The following MTMR8 variants were observed in gnomAD, a reference collection of about 807,000 sequenced individuals.
The protein encoded by MTMR8 is myotubularin related protein 8, also known as phosphatidylinositol-3,5-bisphosphate 3-phosphatase MTMR8.
Under a neutral mutation model 39.3 loss-of-function variants are expected in MTMR8, and 65 were observed. The ratio of observed to expected loss-of-function variants is 1.65; its 90% CI spans 1.35 to 2.03. MTMR8 has a LOEUF of 2.03. MTMR8 is among the 30% of genes most tolerant of loss of function. MTMR8 has a pLI of 0.00. For missense variants in MTMR8, 777 were observed against 538.9 expected (o/e 1.44, Z -4.37); for synonymous variants, 245 against 185.2 (o/e 1.32, Z -2.62).
At chrX:64,296,020 C>T (rs1921567648) in intron 12 of MTMR8, among the ~76,000 whole-genome samples, 1 of 112,054 alleles carries the variant, frequency 8.9e-6, no homozygotes, top group African/African-American at 3.2e-5. Context: ...TATTCATAGA[C>T]AAATTATTAG....
At chrX:64,372,477 C>A (rs1401810530) in intron 1 of MTMR8, among the ~76,000 whole-genome samples, 1 of 111,497 alleles carries the variant, frequency 9.0e-6, no homozygotes, top group Non-Finnish European at 1.9e-5. Context: ...TCTTTAGAGT[C>A]ACACCCATCC....
At chrX:64,301,918 C>T (rs945968083) in intron 12 of MTMR8, among the ~76,000 whole-genome samples, 3 of 111,952 alleles carry the variant, frequency 2.7e-5, no homozygotes, top group African/African-American at 9.8e-5. Flanking sequence ...AGGTAGTCTG[C>T]CGGTTCTCAG....
Position 64,268,406 on chromosome X carries a change from G to T in MTMR8, c.*131C>A. ...TAATCAGTAAAGTAATTCCCTTCCA[G>T]ACTTAAGTGGGGAGAGGGGTGCCCT... is the stretch of plus-strand genomic sequence containing the variant. On this transcript the variant is annotated 3_prime_UTR_variant, in exon 14 of 14. Transcript: ENST00000374852. 2 of 751,610 alleles carry T rather than the reference G, an allele frequency of 2.7e-6. No individual in the cohort carries two copies. The highest frequency in any genetic ancestry group is 3.8e-6 in the Non-Finnish European group (2 of 525,286). The allele number at this position is 751,610 out of a possible 1,213,427, so 61.9% of individuals were successfully genotyped here.
chrX:64,307,540 CTTCTA>C (rs1922158943), intron 12 of MTMR8, among the ~76,000 whole-genome samples: 1 of 111,343 alleles, frequency 9.0e-6, no homozygotes. Context: ...TCTCTATTCT[CTTCTA>C]TTGAGTTTCG....
intron 12 of MTMR8, among the ~76,000 whole-genome samples, chrX:64,304,208 G>A (rs1389336741): frequency 8.9e-6 from 1 of 112,039 alleles, no homozygotes; most frequent in African/African-American, 3.2e-5. Flanking sequence ...AGGGGAAATA[G>A]AAAACATAAG....
chrX:64,354,962 C>A, intron 3 of MTMR8, 28 bp from the exon 4 acceptor site: 2 of 1,115,295 alleles, frequency 1.8e-6, no homozygotes, highest in Non-Finnish European at 1.2e-6. Flanking sequence ...GCATGGAAAA[C>A]AAAATGATGA....
chrX:64,377,106 G>A (rs1924292790), intron 1 of MTMR8, among the ~76,000 whole-genome samples: 2 of 112,638 alleles, frequency 1.8e-5, no homozygotes, highest in Admixed American at 1.9e-4. Context: ...GATTTCAGAG[G>A]ATGTAGGGAG....
chrX:64,277,235 C>A (rs1217579394), intron 12 of MTMR8, among the ~76,000 whole-genome samples: 1 of 111,825 alleles, frequency 8.9e-6, no homozygotes, highest in Non-Finnish European at 1.9e-5. Flanking sequence ...GGGCATTTAG[C>A]CCATTTACAT....
intron 12 of MTMR8, among the ~76,000 whole-genome samples, chrX:64,320,826 G>T (rs1276230198): frequency 9.0e-6 from 1 of 111,419 alleles, no homozygotes; most frequent in Non-Finnish European, 1.9e-5. Context: ...GCAGGACATG[G>T]CTAAAATATA....
At chrX:64,331,505 T>A in intron 11 of MTMR8, 52 bp downstream of exon 11, 1 of 1,112,842 alleles carries the variant, frequency 9.0e-7, no homozygotes, top group Non-Finnish European at 1.2e-6. Context: ...TACATTCTTT[T>A]TGCACTGACC....
intron 12 of MTMR8, among the ~76,000 whole-genome samples, chrX:64,285,168 C>T (rs781078114): frequency 9.0e-6 from 1 of 111,322 alleles, no homozygotes; most frequent in South Asian, 3.8e-4. Flanking sequence ...GCAGGGTTTG[C>T]AATCCTAGTC....
At chrX:64,370,327 C>A (rs1924093833) in intron 1 of MTMR8, among the ~76,000 whole-genome samples, 1 of 109,909 alleles carries the variant, frequency 9.1e-6, no homozygotes, top group South Asian at 3.9e-4. Context: ...CATGTATATT[C>A]ATACCCTTAG....
At chrX:64,347,407 A>T (rs1335379339) in intron 6 of MTMR8, among the ~76,000 whole-genome samples, 1 of 112,237 alleles carries the variant, frequency 8.9e-6, no homozygotes, top group East Asian at 2.8e-4. Flanking sequence ...AGATGCAGTT[A>T]TGGCTGAAAC....
chrX:64,367,364 A>G (rs1331513212), intron 1 of MTMR8, among the ~76,000 whole-genome samples: 1 of 112,090 alleles, frequency 8.9e-6, no homozygotes. Context: ...TCCTCAATAA[A>G]ATACTGGCAA....
At chrX:64,293,596 C>T (rs985736400) in intron 12 of MTMR8, among the ~76,000 whole-genome samples, 15 of 111,404 alleles carry the variant, frequency 1.3e-4, no homozygotes, top group Non-Finnish European at 2.6e-4. Context: ...GACCCACACC[C>T]ACATAGGGAT....
In MTMR8 at chrX:64,268,599, A is replaced by G; in HGVS notation, c.2053T>C (p.Leu685=). The G allele has an allele frequency of 8.3e-7, 1 of 1,211,562 alleles. No individual in the cohort carries two copies. The part of the protein sequence containing the change: ...ARGFSGDMGI[L]GDTGISKAST... ...GCCTTGGAGATGCCTGTGTCCCCCA[A>G]GATGCCCATGTCCCCAGAGAAACCC... Residue 685 remains leucine, a synonymous_variant, in exon 14 of 14, where the codon TTG becomes CTG. Transcript: ENST00000374852.
intron 2 of MTMR8, among the ~76,000 whole-genome samples, chrX:64,359,085 A>G (rs918316562): frequency 1.8e-5 from 2 of 111,301 alleles, no homozygotes; most frequent in African/African-American, 6.5e-5. Context: ...TTTTATGGGC[A>G]GCAAGGCTTT....
At chrX:64,384,028 AT>A (rs1258840363) in intron 1 of MTMR8, among the ~76,000 whole-genome samples, 1 of 112,260 alleles carries the variant, frequency 8.9e-6, no homozygotes, top group Non-Finnish European at 1.9e-5. Context: ...CCAAGATACA[AT>A]GGGGTTATAA....
intron 10 of MTMR8, among the ~76,000 whole-genome samples, chrX:64,334,528 T>C (rs753141158): frequency 8.5e-4 from 83 of 97,641 alleles, no homozygotes; most frequent in Non-Finnish European, 1.4e-3. Context: ...AGTCCTCCAA[T>C]ATAGCTTTAC....
Sources: allele counts gnomAD v4.1 joint callset (sites outside exome capture counted in the v4.1 genomes callset), GRCh38; gene constraint gnomAD v4.1.1; transcripts MANE v1.5; gene names NCBI Gene and HGNC (gene_info 2026-07-23, HGNC 2026-07-21).